BCL6: variants seen among roughly 807,000 people sequenced by gnomAD.
The protein encoded by BCL6 is BCL6 transcription repressor.
BCL6 carries 7 observed loss-of-function variants against 59.5 expected under a neutral mutation model. The observed-to-expected ratio is 0.12, with a 90% confidence interval of 0.07 to 0.22. The LOEUF (loss-of-function observed/expected upper bound fraction) is 0.22, where lower values mean the gene tolerates loss of function less well. BCL6 is among the 10% of genes least tolerant of loss of function. BCL6 has a pLI of 1.00. For missense variants in BCL6, 685 were observed against 939.4 expected, an observed-to-expected ratio of 0.73 and a Z score of 3.54; for synonymous variants, 339 against 349.7, an observed-to-expected ratio of 0.97 and a Z score of 0.34.
At position 187,725,671 on chromosome 3, in the gene BCL6, A is replaced by G. The variant is rs1433964458; in HGVS notation, c.1709-42T>C. The G allele has an allele frequency of 4.3e-6, 7 of 1,612,528 alleles. No homozygotes were observed. The highest frequency in any genetic ancestry group is 5.1e-6 in the Non-Finnish European group (6 of 1,179,118). On this transcript the variant is annotated intron_variant, in intron 7 of 9. Transcript: ENST00000406870. The surrounding 1 kb of genome is among the most constrained non-coding windows in gnomAD (Gnocchi z 4.7). ...GGGAAAAAGAAAAGCCATATTCAAT[A>G]AGGAAGGTCTCTGCAGTCCGTGGCT...
intron 2 of BCL6, chr3:187,733,943 A>T: frequency 1.9e-6 from 1 of 521,924 alleles, no homozygotes; most frequent in Non-Finnish European, 3.5e-6. Flanking sequence ...AAGCAAAGGG[A>T]ATGAATATTT....
In BCL6 at chr3:187,721,515, C is replaced by T. The variant is rs924523431; in HGVS notation, c.*943G>A. 33 of 233,236 alleles carry T rather than the reference C, an allele frequency of 1.4e-4. No individual in the cohort carries two copies. The highest frequency in any genetic ancestry group is 7.1e-4 in the African/African-American group (32 of 45,292). 14.4% of individuals were successfully genotyped at this position (233,236 alleles called of 1,614,324 possible). On this transcript the variant is annotated 3_prime_UTR_variant, in exon 10 of 10. Coordinates refer to ENST00000406870, the MANE Select transcript of BCL6 (RefSeq NM_001706.5). The surrounding 1 kb of genome is among the most constrained non-coding windows in gnomAD (Gnocchi z 4.2). ...ATGACGCAGAATGGGATGAGACAAA[C>T]ATTCCCAAAGAGAGTTTAGTTAGTA...
chr3:187,728,508 G>A lies in BCL6; in HGVS notation c.1392C>T (p.Ser464=). Residue 464 remains serine, a synonymous_variant, in exon 6 of 10, where the codon AGC becomes AGT. Transcript: ENST00000406870. ...MTGSPRSSSE[S]HSPLYMHPPK... ...GGGGGTGCATGTAGAGTGGTGAGTG[G>A]CTCTCGCTGCTGCTGCGGGGAGAGC... 6.2e-7 allele frequency: 1 copy of A among 1,610,124 alleles called. No homozygotes were observed. Among genetic ancestry groups the A allele is most frequent in the East Asian group, 2.2e-5 (1 of 44,702 alleles).
At position 187,725,458 on chromosome 3, in the gene BCL6, C is replaced by T. The variant is rs763299478; in HGVS notation, c.1839+41G>A. The T allele has an allele frequency of 5.0e-5, 79 of 1,590,522 alleles. No individual in the cohort carries two copies. The highest frequency in any genetic ancestry group is 1.6e-4 in the South Asian group (14 of 89,616). On this transcript the variant is annotated intron_variant, in intron 8 of 9. Transcript: ENST00000406870. The surrounding 1 kb of genome is among the most constrained non-coding windows in gnomAD (Gnocchi z 4.7). ...CACTCCTCCGCTCGCCTGCCCGCTC[C>T]GCTCGCCTGCCCGCTCCGCTCGCCT...
chr3:187,737,179 A>C (rs1560155986), intron 1 of BCL6: 1 of 152,092 alleles, frequency 6.6e-6, no homozygotes, highest in Non-Finnish European at 1.5e-5. Context: ...TGGGAGAGTT[A>C]AATGTTTTCT....
intron 4 of BCL6, among the ~76,000 whole-genome samples, chr3:187,730,423 T>G (rs1173344705): frequency 6.6e-6 from 1 of 152,272 alleles, no homozygotes; most frequent in East Asian, 1.9e-4. Flanking sequence ...GTGGTTATTA[T>G]TATCTCCATT....
chr3:187,741,248 C>A (rs562469071), intron 1 of BCL6, among the ~76,000 whole-genome samples: 1 of 152,204 alleles, frequency 6.6e-6, no homozygotes, highest in South Asian at 2.1e-4. Flanking sequence ...GTATCTGGAG[C>A]TGGTTTCATG....
chr3:187,729,827 G>C lies in BCL6; in HGVS notation c.578C>G (p.Ala193Gly). The change falls in exon 5 of 10, where the codon GCC becomes GGC. Residue 193 changes from alanine (A) to glycine (G), a missense_variant. By Grantham distance (60) the Ala-to-Gly change is moderately conservative. Transcript: ENST00000406870. This position sits in a 1 kb window ranked among gnomAD's most constrained non-coding sequence, Gnocchi z 5.6. Reference sequence around the variant, plus strand: ...GAGGTGGCTGTACATGGAATAAGAGGCTGGCGGTGTGGACAGGCCACTGTA... The same window carrying C: ...GAGGTGGCTGTACATGGAATAAGAGCCTGGCGGTGTGGACAGGCCACTGTA... ...SLYSGLSTPPASYSMYSHLPV... is the reference protein window; with the variant it reads ...SLYSGLSTPPGSYSMYSHLPV... The C allele has an allele frequency of 6.2e-7, 1 of 1,614,092 alleles. No homozygotes were observed. Among genetic ancestry groups the C allele is most frequent in the South Asian group, 1.1e-5 (1 of 91,056 alleles).
chr3:187,743,724 C>T (rs937672282), intron 1 of BCL6, among the ~76,000 whole-genome samples: 2 of 139,056 alleles, frequency 1.4e-5, no homozygotes, highest in African/African-American at 6.1e-5. Context: ...GCTCCTGCTG[C>T]CCCCCCGCCC....
chr3:187,733,948 A>G (rs1189353136), intron 2 of BCL6: 1 of 509,014 alleles, frequency 2.0e-6, no homozygotes, highest in East Asian at 3.5e-5. Context: ...AAGGGAATGA[A>G]TATTTGTTGA....
chr3:187,722,408 G>C lies in BCL6; in HGVS notation c.*50C>G. On this transcript the variant is annotated 3_prime_UTR_variant, in exon 10 of 10. Transcript: ENST00000406870. ...ATTGTAAAGTGTTACAGTATCCTTT[G>C]GGTAGATTCTGAGAAGGGGCTGGAG... The C allele has an allele frequency of 6.8e-7, 1 of 1,463,656 alleles. No homozygotes were observed. The highest frequency in any genetic ancestry group is 9.2e-7 in the Non-Finnish European group (1 of 1,089,596). The allele number at this position is 1,463,656 out of a possible 1,614,324, so 90.7% of individuals were successfully genotyped here.
intron 1 of BCL6, among the ~76,000 whole-genome samples, chr3:187,744,578 A>G (rs191618849): frequency 6.6e-6 from 1 of 152,276 alleles, no homozygotes; most frequent in Non-Finnish European, 1.5e-5. Context: ...TTATGACCAA[A>G]AAAACAAAAA....
At chr3:187,744,613 A>G (rs558238392) in intron 1 of BCL6, among the ~76,000 whole-genome samples, 1 of 152,082 alleles carries the variant, frequency 6.6e-6, no homozygotes, top group Admixed American at 6.5e-5. Context: ...GTTCGCTTGC[A>G]TTTTTTCCTT....
intron 1 of BCL6, chr3:187,737,717 T>A (rs1384999139): frequency 6.6e-6 from 1 of 151,106 alleles, no homozygotes; most frequent in Non-Finnish European, 1.5e-5. Flanking sequence ...AATAAAACTT[T>A]TGGTGCACCT....
chr3:187,745,217 A>C (rs568712481), intron 1 of BCL6, among the ~76,000 whole-genome samples, 193 bp downstream of exon 1: 2 of 152,296 alleles, frequency 1.3e-5, no homozygotes, highest in Middle Eastern at 3.4e-3. Flanking sequence ...AGCTAGAATA[A>C]ATAAATATAT....
In BCL6 at chr3:187,733,390, T is replaced by G. The variant is rs1397256715; in HGVS notation, c.161+143A>C. ...CATTCATTCACTTGGGAGCCTACTG[T>G]GCCACGCCATGGTGCTGAGATCTGG... On this transcript the variant is annotated intron_variant, in intron 3 of 9. Transcript: ENST00000406870. 3 of 925,396 alleles carry G rather than the reference T, an allele frequency of 3.2e-6. No homozygotes were observed. The African/African-American group carries it at 5.0e-5, about 15-fold the overall frequency. The allele number at this position is 925,396 out of a possible 1,614,324, so 57.3% of individuals were successfully genotyped here. A position where few individuals can be genotyped will look rare whatever the true frequency, so the allele number is the denominator to read the frequency against.
At position 187,729,841 on chromosome 3, in the gene BCL6, C is replaced by T; in HGVS notation, c.564G>A (p.Leu188=). Residue 188 remains leucine, a synonymous_variant, in exon 5 of 10, where the codon CTG becomes CTA. Coordinates refer to ENST00000406870, the MANE Select transcript of BCL6 (RefSeq NM_001706.5). This position sits in a 1 kb window ranked among gnomAD's most constrained non-coding sequence, Gnocchi z 5.6. ...TGGAATAAGAGGCTGGCGGTGTGGA[C>T]AGGCCACTGTACAGGCTGGGGGCAA... ...RAFAPSLYSG[L]STPPASYSMY... is the part of the protein sequence containing the mutation. 1 of 1,613,960 alleles carries T rather than the reference C, an allele frequency of 6.2e-7. No individual in the cohort carries two copies. The highest frequency in any genetic ancestry group is 8.5e-7 in the Non-Finnish European group (1 of 1,179,938).
chr3:187,744,899 G>T (rs550636214), intron 1 of BCL6, among the ~76,000 whole-genome samples: 3 of 152,204 alleles, frequency 2.0e-5, no homozygotes, highest in South Asian at 2.1e-4. Context: ...GCAAGCAGCA[G>T]CAGAAAGAGC....
intron 1 of BCL6, 125 bp downstream of exon 1, chr3:187,745,285 G>A (rs552118950): frequency 1.8e-5 from 7 of 398,092 alleles, no homozygotes; most frequent in South Asian, 1.2e-4. Flanking sequence ...TGGCAAGAGC[G>A]GAAAAAAAAA....
Sources: allele counts gnomAD v4.1 joint callset (sites outside exome capture counted in the v4.1 genomes callset), GRCh38; gene constraint gnomAD v4.1.1; non-coding constraint Gnocchi (gnomAD v3.1); transcripts MANE v1.5; gene names NCBI Gene and HGNC (gene_info 2026-07-23, HGNC 2026-07-21).